The following FAN1 variants were observed in gnomAD, a reference collection of about 807,000 sequenced individuals.
FAN1 encodes fanconi-associated nuclease 1.
Under a neutral mutation model 104.9 loss-of-function variants are expected in FAN1, and 91 were observed. The ratio of observed to expected loss-of-function variants is 0.87; its 90% confidence interval spans 0.73 to 1.03. The LOEUF (loss-of-function observed/expected upper bound fraction) is 1.03, where lower values mean the gene tolerates loss of function less well. Ranked by LOEUF, FAN1 falls within the 50% of genes least tolerant of loss-of-function variation. The pLI is 0.00. For synonymous variants in FAN1, 478 were observed against 457.6 expected (o/e 1.04, Z -0.57); for missense variants, 1,263 against 1,239.9 (o/e 1.02, Z -0.28).
rs565689759 is a variant in FAN1, at chr15:30,913,970, G to A, written c.1690G>A (p.Ala564Thr). 3.4e-5 allele frequency: 55 copies of A among 1,614,140 alleles called. No homozygotes were observed. The highest frequency in any genetic ancestry group is 2.6e-4 in the South Asian group (24 of 91,086). The change falls in exon 5 of 15, where the codon GCT becomes ACT. Residue 564 changes from alanine to threonine, a missense_variant. By Grantham distance (58) the Ala-to-Thr change is moderately conservative (BLOSUM62 0). Around this residue, in one of 2 missense-constraint regions of FAN1, gnomAD observed 581 missense variants for 668.8 expected, o/e 0.87. Transcript: ENST00000362065. The part of the protein sequence containing the change: ...LTDSMEDEDA[A>T]CGGQGQLSTV... ...CGACTCAATGGAAGATGAAGACGCC[G>A]CTTGTGGAGGTCAGGGACAGCTTTC... is the stretch of plus-strand genomic sequence containing the variant.
intron 14 of FAN1, chr15:30,939,124 C>T (rs2062952796): frequency 1.0e-6 from 1 of 985,292 alleles, no homozygotes; most frequent in Non-Finnish European, 1.2e-6. Context: ...CTGCAGCAAG[C>T]AGATTTTGTT....
chr15:30,942,289 G>A lies in FAN1; in HGVS notation c.*727G>A. 3.2e-6 allele frequency: 2 copies of A among 616,896 alleles called. No homozygotes were observed. The highest frequency in any genetic ancestry group is 6.2e-5 in the Admixed American group (2 of 32,140). The allele number at this position is 616,896 out of a possible 1,614,324, so 38.2% of individuals were successfully genotyped here. ...CTACCTAGGCTGTTACTATCAGCCT[G>A]AATGGGGGCGGGATGAGAGTACCTC... On this transcript the variant is annotated 3_prime_UTR_variant, in exon 15 of 15. Transcript: ENST00000362065.
At chr15:30,939,716 T>C in intron 14 of FAN1, 1 of 975,800 alleles carries the variant, frequency 1.0e-6, no homozygotes, top group Non-Finnish European at 1.2e-6. Context: ...AAACATTTAG[T>C]AATAATAAAA....
chr15:30,942,477 CA>C lies in FAN1; in HGVS notation c.*923del, dbSNP rs1003948102. On this transcript the variant is annotated 3_prime_UTR_variant, in exon 15 of 15. Transcript: ENST00000362065. ...TTTCAGTAGTCTGCAAATTTTCTAC[CA>C]AAAAAAATCCCAAGAATTTATTTGG... 35 of 257,134 alleles carry C rather than the reference CA, an allele frequency of 1.4e-4. No homozygotes were observed. Among genetic ancestry groups the C allele is most frequent in the South Asian group, 2.1e-4 (2 of 9,688 alleles). The allele number at this position is 257,134 out of a possible 1,614,324, so 15.9% of individuals were successfully genotyped here.
At chr15:30,937,608 C>A (rs372063739) in intron 14 of FAN1, among the ~76,000 whole-genome samples, 298 of 151,762 alleles carry the variant, frequency 2.0e-3, no homozygotes, top group African/African-American at 6.8e-3. Context: ...TGCGCCACCA[C>A]GCCTGGCTAA....
At chr15:30,939,018 C>A in intron 14 of FAN1, 1 of 985,316 alleles carries the variant, frequency 1.0e-6, no homozygotes, top group Non-Finnish European at 1.2e-6. Context: ...GATAACACAT[C>A]TTCTTGCTCA....
intron 10 of FAN1, chr15:30,926,771 A>T: frequency 1.0e-6 from 1 of 985,394 alleles, no homozygotes; most frequent in African/African-American, 1.7e-5. Flanking sequence ...GGGACGTGGG[A>T]GCGCTGAAAT....
intron 13 of FAN1, among the ~76,000 whole-genome samples, chr15:30,936,838 CA>C (rs1285394282): frequency 2.0e-5 from 3 of 152,166 alleles, no homozygotes; most frequent in Non-Finnish European, 2.9e-5. Context: ...AGCTGTGGCT[CA>C]CTGCTGCTGC....
rs144858182 is a variant in FAN1 at position 30,909,299 on chromosome 15, T to G, written c.1375+1041T>G. Among the ~76,000 whole-genome samples, 832 of 152,158 alleles carry G rather than the reference T, an allele frequency of 5.5e-3. 7 individuals are homozygous for G. The highest frequency in any genetic ancestry group is 0.019 in the African/African-American group (790 of 41,498). On this transcript the variant is annotated intron_variant, in intron 3 of 14. Transcript: ENST00000362065. The stretch of plus-strand genomic sequence containing the variant: ...TGAAGCGAAGTGAGCAGGAAGTGTG[T>G]TAGGGTGGGGCTGGATGGCGTGGGA...
In FAN1 at chr15:30,943,036, C is replaced by T; in HGVS notation, c.*1474C>T. ...ACAGAGGGGAATTTTAAGCCCTTCT[C>T]ATCACCCAATTGGATGTTTTTGCTT... On this transcript the variant is annotated 3_prime_UTR_variant, in exon 15 of 15. Coordinates refer to ENST00000362065, the MANE Select transcript of FAN1 (RefSeq NM_014967.5). The T allele has an allele frequency of 6.5e-7, 1 of 1,547,448 alleles. No individual in the cohort carries two copies. Among genetic ancestry groups the T allele is most frequent in the South Asian group, 1.2e-5 (1 of 82,682 alleles).
At chr15:30,913,745 T>C in intron 4 of FAN1, 113 bp from the exon 5 acceptor site, 1 of 703,496 alleles carries the variant, frequency 1.4e-6, no homozygotes, top group African/African-American at 1.8e-5. Flanking sequence ...AATGCTCCAG[T>C]GTTTAAAATA....
chr15:30,930,986 G>A lies in FAN1; in HGVS notation c.2916+315G>A, dbSNP rs117128784. On this transcript the variant is annotated intron_variant, in intron 13 of 14. Coordinates refer to ENST00000362065, the MANE Select transcript of FAN1 (RefSeq NM_014967.5). Reference sequence around the variant, plus strand: ...AGTCCAGCTGACACTCAAAGGGAGGGGGTCACAACGGGTGTGGACACCAGG... The same window carrying A: ...AGTCCAGCTGACACTCAAAGGGAGGAGGTCACAACGGGTGTGGACACCAGG... 3.8e-3 allele frequency among the ~76,000 whole-genome samples: 582 copies of A among 152,258 alleles called. 3 individuals carry two copies. The highest frequency in any genetic ancestry group is 0.017 in the Middle Eastern group (5 of 294).
At chr15:30,940,345 A>AAAGT (rs1454906798) in intron 14 of FAN1, 1 of 985,458 alleles carries the variant, frequency 1.0e-6, no homozygotes, top group East Asian at 1.1e-4. Flanking sequence ...TTTGCTGTCC[A>AAAGT]AAGTTGGGGG....
intron 12 of FAN1, 93 bp downstream of exon 12, chr15:30,929,490 G>A: frequency 1.2e-6 from 1 of 839,846 alleles, no homozygotes; most frequent in Non-Finnish European, 1.8e-6. Context: ...ACACATGTGT[G>A]TATATGTAAA....
At chr15:30,939,916 A>G (rs2062981265) in intron 14 of FAN1, 1 of 985,302 alleles carries the variant, frequency 1.0e-6, no homozygotes, top group Admixed American at 6.1e-5. Flanking sequence ...GTTTACCCAT[A>G]AAGTGAATTT....
intron 14 of FAN1, 120 bp from the exon 15 acceptor site, chr15:30,941,446 A>T: frequency 6.3e-7 from 1 of 1,579,462 alleles, no homozygotes. Context: ...AGCTTCCCTC[A>T]AAATGTTCAG....
intron 14 of FAN1, among the ~76,000 whole-genome samples, chr15:30,937,728 A>T (rs1262873571): frequency 6.6e-6 from 1 of 151,580 alleles, no homozygotes; most frequent in East Asian, 2.0e-4. Context: ...AGTGCTGGGG[A>T]TTACAGGCAT....
chr15:30,908,667 G>A (rs1327030946), intron 3 of FAN1, among the ~76,000 whole-genome samples: 4 of 148,090 alleles, frequency 2.7e-5, no homozygotes, highest in Non-Finnish European at 4.5e-5. Flanking sequence ...CCAACATGGA[G>A]AAACCCCATC....
At chr15:30,926,163 A>T (rs2062457115) in intron 10 of FAN1, among the ~76,000 whole-genome samples, 1 of 152,212 alleles carries the variant, frequency 6.6e-6, no homozygotes, top group Non-Finnish European at 1.5e-5. Context: ...TTTCTTTTAT[A>T]AAAACTTATA....
Sources: allele counts gnomAD v4.1 joint callset (sites outside exome capture counted in the v4.1 genomes callset), GRCh38; gene constraint gnomAD v4.1.1; regional missense constraint gnomAD v4.1.1; transcripts MANE v1.5; gene names NCBI Gene and HGNC (gene_info 2026-07-23, HGNC 2026-07-21).